The following TENT5C variants were observed in gnomAD, a reference collection of about 807,000 sequenced individuals.
TENT5C encodes terminal nucleotidyltransferase 5C.
Under a neutral mutation model 22.2 loss-of-function variants are expected in TENT5C, and 5 were observed. The observed-to-expected ratio is 0.22, with a 90% CI of 0.12 to 0.47. TENT5C has a LOEUF of 0.47. Among genes scored for constraint, TENT5C ranks in the 20% least tolerant of loss-of-function variants. The pLI is 0.99. For missense variants in TENT5C, 364 were observed against 500.9 expected (o/e 0.73, Z 2.61); for synonymous variants, 199 against 195.4 (o/e 1.02, Z -0.15).
intron 1 of TENT5C, among the ~76,000 whole-genome samples, chr1:117,613,950 TAGTG>T (rs768837946): frequency 1.9e-4 from 29 of 152,154 alleles, no homozygotes; most frequent in Admixed American, 9.2e-4. Flanking sequence ...CTTGGAAAAA[TAGTG>T]AGCATAGGAT....
Position 117,623,345 on chromosome 1 carries a change from C to G in TENT5C, c.477C>G (p.Asn159Lys). ...TDRWSLISLS[N>K]KNGKNVELKF... ...GCTGGAGCCTGATCTCCCTCTCCAA[C>G]AAGAACGGGAAGAACGTGGAGCTGA... Residue 159 changes from asparagine to lysine, a missense_variant, in exon 2 of 2, where the codon AAC (asparagine) becomes AAG (lysine). Asn to Lys is a moderately conservative substitution (Grantham distance 94, BLOSUM62 0). Around this residue, in one of 3 missense-constraint regions of TENT5C, gnomAD observed 303 missense variants for 394.5 expected, o/e 0.77. Coordinates refer to ENST00000369448, the MANE Select transcript of TENT5C (RefSeq NM_017709.4). 6.2e-7 allele frequency: 1 copy of G among 1,614,182 alleles called. No homozygotes were observed.
At chr1:117,615,587 A>G (rs894350494) in intron 1 of TENT5C, among the ~76,000 whole-genome samples, 3 of 152,340 alleles carry the variant, frequency 2.0e-5, no homozygotes, top group Admixed American at 6.5e-5. Context: ...TCCCCTGGCC[A>G]TGGCTGTGGC....
chr1:117,609,105 G>A (rs139248373), intron 1 of TENT5C, among the ~76,000 whole-genome samples: 2 of 152,206 alleles, frequency 1.3e-5, no homozygotes, highest in Non-Finnish European at 2.9e-5. Context: ...AGACACCTCT[G>A]TGTTTAAAGA....
In TENT5C at chr1:117,627,970, G is replaced by A. The variant is rs1654048399; in HGVS notation, c.*3926G>A. Reference sequence around the variant, plus strand: ...TGGAGTTTTGCCTGGGCTAGTGAGAGTTGGTGCAAATTCTTGTGTGTGTTT... The same window carrying A: ...TGGAGTTTTGCCTGGGCTAGTGAGAATTGGTGCAAATTCTTGTGTGTGTTT... On this transcript the variant is annotated 3_prime_UTR_variant, in exon 2 of 2. Coordinates refer to ENST00000369448, the MANE Select transcript of TENT5C (RefSeq NM_017709.4). 8.1e-6 allele frequency: 2 copies of A among 248,086 alleles called. No individual in the cohort carries two copies. Among genetic ancestry groups the A allele is most frequent in the East Asian group, 1.2e-4 (2 of 16,588 alleles). The allele number at this position is 248,086 out of a possible 1,614,324, so 15.4% of individuals were successfully genotyped here.
At chr1:117,620,574 G>GT (rs563911854) in intron 1 of TENT5C, among the ~76,000 whole-genome samples, 37 of 152,244 alleles carry the variant, frequency 2.4e-4, no homozygotes, top group African/African-American at 8.7e-4. Context: ...GTAGCTCAGG[G>GT]TTCCCCACCC....
rs557599465 is a variant in TENT5C at position 117,623,944 on chromosome 1, C to T, written c.1076C>T (p.Pro359Leu). Residue 359 changes from proline to leucine, a missense_variant, in exon 2 of 2, where the codon CCG becomes CTG. By Grantham distance (98) the Pro-to-Leu change is moderately conservative. This residue lies in a region of TENT5C where 54 missense variants were observed against 76.5 expected (regional missense o/e 0.71). Coordinates refer to ENST00000369448, the MANE Select transcript of TENT5C (RefSeq NM_017709.4). ...ACCAACGTCACCTGTTACTACCAGC[C>T]GGCCCCTTACGTCAGTGATGGCAAC... Reference protein sequence around the residue: ...SATNVTCYYQPAPYVSDGNFS... With the variant: ...SATNVTCYYQLAPYVSDGNFS... The T allele has an allele frequency of 5.6e-6, 9 of 1,614,062 alleles. No homozygotes were observed. The highest frequency in any genetic ancestry group is 2.2e-5 in the East Asian group (1 of 44,866).
intron 1 of TENT5C, among the ~76,000 whole-genome samples, chr1:117,611,846 C>CA (rs1207905865): frequency 2.0e-5 from 3 of 151,560 alleles, no homozygotes; most frequent in African/African-American, 4.8e-5. Flanking sequence ...GACCCTGTAT[C>CA]AAAAAAAAGT....
rs551473082 is a variant in TENT5C at position 117,622,709 on chromosome 1, C to T, written c.-27-133C>T. ...TATTTAACTCATTGAGTCCTCATGG[C>T]AACACTGAGCAGTAAGTGCTATTTA... On this transcript the variant is annotated intron_variant, in intron 1 of 1. Transcript: ENST00000369448. 6.5e-5 allele frequency: 42 copies of T among 645,324 alleles called. No homozygotes were observed. The South Asian group carries it at 8.3e-4, about 13-fold the overall frequency. The allele number at this position is 645,324 out of a possible 1,614,324, so 40.0% of individuals were successfully genotyped here.
intron 1 of TENT5C, among the ~76,000 whole-genome samples, chr1:117,608,762 C>A (rs1441185853): frequency 1.5e-5 from 2 of 136,718 alleles, no homozygotes; most frequent in Non-Finnish European, 3.1e-5. Context: ...ATGAGTTGAA[C>A]CTTTTTTTTT....
intron 1 of TENT5C, among the ~76,000 whole-genome samples, chr1:117,617,455 C>T (rs886528580): frequency 4.0e-5 from 6 of 150,786 alleles, no homozygotes; most frequent in Middle Eastern, 3.4e-3. Flanking sequence ...AAAGGGAGTA[C>T]GAAAGTACCT....
Position 117,623,091 on chromosome 1 carries a change from G to A in TENT5C, c.223G>A (p.Ala75Thr), listed in dbSNP as rs1278971822. 8 of 1,614,104 alleles carry A rather than the reference G, an allele frequency of 5.0e-6. No individual in the cohort carries two copies. The highest frequency in any genetic ancestry group is 1.7e-5 in the Admixed American group (1 of 60,008). ...GCACGACGTCCGGCTGAATGGCTCC[G>A]CAGCTGGCCACGTTTTGGTCAAAGA... ...KVHDVRLNGS[A>T]AGHVLVKDNG... Residue 75 changes from alanine to threonine, a missense_variant, in exon 2 of 2, where the codon GCA becomes ACA. Transcript: ENST00000369448.
intron 1 of TENT5C, among the ~76,000 whole-genome samples, chr1:117,614,441 G>T (rs551472993): frequency 6.6e-6 from 1 of 152,142 alleles, no homozygotes; most frequent in South Asian, 2.1e-4. Context: ...GGGAAGTGAC[G>T]GTGTCCAGTC....
Position 117,627,844 on chromosome 1 carries a change from C to T in TENT5C, c.*3800C>T, listed in dbSNP as rs1558009218. The T allele has an allele frequency of 1.3e-5, 3 of 238,830 alleles. No homozygotes were observed. 14.8% of individuals were successfully genotyped at this position (238,830 alleles called of 1,614,324 possible). On this transcript the variant is annotated 3_prime_UTR_variant, in exon 2 of 2. Transcript: ENST00000369448. ...AAGGTTAAGATCAGGAAATAAAAGA[C>T]TGTGTGTGTGTGTGTGTGTGCGTGT...
Position 117,625,105 on chromosome 1 carries a change from GT to G in TENT5C, c.*1073del, listed in dbSNP as rs555152244. ...GCTATTTTTTGTTTTTGTTCTTTTC[GT>G]TTTTTTTTTTTCCAAAAATAGTGAC... On this transcript the variant is annotated 3_prime_UTR_variant, in exon 2 of 2. Coordinates refer to ENST00000369448, the MANE Select transcript of TENT5C (RefSeq NM_017709.4). 2,195 of 217,378 alleles carry G rather than the reference GT, an allele frequency of 0.01. 10 individuals are homozygous for G. The highest frequency in any genetic ancestry group is 0.024 in the African/African-American group (1,041 of 42,948). 13.5% of individuals were successfully genotyped at this position (217,378 alleles called of 1,614,324 possible). A position where few individuals can be genotyped will look rare whatever the true frequency, so the allele number is the denominator to read the frequency against.
intron 1 of TENT5C, among the ~76,000 whole-genome samples, chr1:117,617,186 G>A (rs1653800835): frequency 6.6e-6 from 1 of 151,964 alleles, no homozygotes; most frequent in Non-Finnish European, 1.5e-5. Flanking sequence ...AAGCTATGAA[G>A]CAGGACTAGA....
intron 1 of TENT5C, among the ~76,000 whole-genome samples, chr1:117,616,526 CG>C (rs1311491234): frequency 3.9e-5 from 6 of 152,178 alleles, no homozygotes; most frequent in African/African-American, 1.4e-4. Context: ...CACAGGTGCA[CG>C]GGTCCCCTGT....
At position 117,627,799 on chromosome 1, in the gene TENT5C, G is replaced by A. The variant is rs939666639; in HGVS notation, c.*3755G>A. The A allele has an allele frequency of 1.2e-5, 3 of 247,806 alleles. No individual in the cohort carries two copies. Among genetic ancestry groups the A allele is most frequent in the African/African-American group, 6.6e-5 (3 of 45,248 alleles). The allele number at this position is 247,806 out of a possible 1,614,324, so 15.4% of individuals were successfully genotyped here. ...TTTTAAAGATCTGGCAACTTTTCAG[G>A]ATTATTTGTGGAGAACTCTAAGGTT... On this transcript the variant is annotated 3_prime_UTR_variant, in exon 2 of 2. Transcript: ENST00000369448.
intron 1 of TENT5C, among the ~76,000 whole-genome samples, chr1:117,614,203 C>A (rs896741724): frequency 6.6e-6 from 1 of 152,014 alleles, no homozygotes. Context: ...GCCTCCAAAC[C>A]CTTCCTAGAT....
rs1231938502 is a variant in TENT5C, at chr1:117,626,617, G to A, written c.*2573G>A. 2 of 247,924 alleles carry A rather than the reference G, an allele frequency of 8.1e-6. No individual in the cohort carries two copies. Among genetic ancestry groups the A allele is most frequent in the African/African-American group, 4.4e-5 (2 of 45,322 alleles). 15.4% of individuals were successfully genotyped at this position (247,924 alleles called of 1,614,324 possible). A position where few individuals can be genotyped will look rare whatever the true frequency, so the allele number is the denominator to read the frequency against. ...GAATTTCAGGGCCCTGGAAACTCTAGCTGAAACCTGCCTTTCCTAATGCTC... is the reference window on the plus strand; with the variant it reads ...GAATTTCAGGGCCCTGGAAACTCTAACTGAAACCTGCCTTTCCTAATGCTC... On this transcript the variant is annotated 3_prime_UTR_variant, in exon 2 of 2. Coordinates refer to ENST00000369448, the MANE Select transcript of TENT5C (RefSeq NM_017709.4).
Sources: gnomAD v4.1 joint callset for allele counts (sites outside exome capture counted in the v4.1 genomes callset) on GRCh38, gnomAD v4.1.1 for gene constraint, gnomAD v4.1.1 regional missense constraint, MANE v1.5 for transcripts, NCBI Gene and HGNC (gene_info 2026-07-23, HGNC 2026-07-21) for gene names.